Variants in FSTL1 observed in about 807,000 individuals in gnomAD.
The protein encoded by FSTL1 is follistatin like 1, also known as follistatin-related protein 1.
Under a neutral mutation model 45.9 loss-of-function variants are expected in FSTL1, and 24 were observed. The observed-to-expected ratio is 0.52, with a 90% CI of 0.38 to 0.74. FSTL1 has a LOEUF of 0.74. FSTL1 is among the 30% of genes least tolerant of loss of function. The pLI is 0.00. For missense variants in FSTL1, 340 were observed against 381.8 expected (o/e 0.89, Z 0.91); for synonymous variants, 120 against 137.6 (o/e 0.87, Z 0.89).
intron 2 of FSTL1, among the ~76,000 whole-genome samples, chr3:120,448,756 G>T (rs1429701860): frequency 6.6e-6 from 1 of 152,206 alleles, no homozygotes; most frequent in Non-Finnish European, 1.5e-5. Flanking sequence ...GGAAATTGCT[G>T]CTGGGGGAAC....
chr3:120,449,127 C>T (rs1937823662), intron 2 of FSTL1, among the ~76,000 whole-genome samples: 1 of 152,150 alleles, frequency 6.6e-6, no homozygotes, highest in Admixed American at 6.5e-5. Flanking sequence ...AAGAAGCAGA[C>T]CTGGAGTTCA....
intron 2 of FSTL1, chr3:120,441,447 C>T (rs1320804984): frequency 6.6e-6 from 1 of 152,218 alleles, no homozygotes; most frequent in East Asian, 1.9e-4. Context: ...AGAAACACTA[C>T]ATAGAAGTTT....
At chr3:120,418,722 G>A (rs1261152623) in intron 2 of FSTL1, among the ~76,000 whole-genome samples, 1 of 142,100 alleles carries the variant, frequency 7.0e-6, no homozygotes, top group Admixed American at 7.7e-5. Flanking sequence ...TCGTGGGCCA[G>A]GTGCTCTCTT....
Position 120,450,757 on chromosome 3 carries a change from G to A in FSTL1, c.1-11C>T, listed in dbSNP as rs1291009747. 1 of 1,573,264 alleles carries A rather than the reference G, an allele frequency of 6.4e-7. No individual in the cohort carries two copies. Among genetic ancestry groups the A allele is most frequent in the African/African-American group, 1.4e-5 (1 of 71,494 alleles). ...CCAGCGTTTCCACATCTGCGGAAGA[G>A]AGAAGAGAGCGAGTCTGAAGGCGCC... On this transcript the variant is annotated splice_polypyrimidine_tract_variant and intron_variant, in intron 1 of 10. Transcript: ENST00000295633.
chr3:120,403,135 G>A, intron 8 of FSTL1, 107 bp downstream of exon 8: 1 of 762,104 alleles, frequency 1.3e-6, no homozygotes, highest in Non-Finnish European at 2.3e-6. Flanking sequence ...AATCATGGAA[G>A]GGGATTTTCT....
At chr3:120,412,838 G>GCACGCACACA (rs1553703002) in intron 3 of FSTL1, among the ~76,000 whole-genome samples, 1 of 106,132 alleles carries the variant, frequency 9.4e-6, no homozygotes, top group East Asian at 3.0e-4. Context: ...GCGCGCGCGC[G>GCACGCACACA]CACACACACA....
chr3:120,413,036 T>C (rs917505351), intron 3 of FSTL1, among the ~76,000 whole-genome samples: 8 of 152,108 alleles, frequency 5.3e-5, no homozygotes, highest in Non-Finnish European at 1.2e-4. Flanking sequence ...GACAGGGAAA[T>C]GGAACAAAGT....
At chr3:120,439,807 G>C (rs779574628) in intron 2 of FSTL1, among the ~76,000 whole-genome samples, 1 of 152,146 alleles carries the variant, frequency 6.6e-6, no homozygotes, top group Non-Finnish European at 1.5e-5. Flanking sequence ...GAAGAACAAA[G>C]AAATTGCCTT....
At chr3:120,422,698 ATT>A (rs573790628) in intron 2 of FSTL1, among the ~76,000 whole-genome samples, 2 of 145,678 alleles carry the variant, frequency 1.4e-5, no homozygotes, top group Non-Finnish European at 1.5e-5. Context: ...TCAATCAATA[ATT>A]TTTTTTTTTT....
chr3:120,437,183 T>C (rs753835286), intron 2 of FSTL1, among the ~76,000 whole-genome samples: 8 of 152,236 alleles, frequency 5.3e-5, no homozygotes, highest in Non-Finnish European at 1.0e-4. Flanking sequence ...ACAAATGTTA[T>C]GCCACAAACT....
At chr3:120,427,262 C>T (rs1192403217) in intron 2 of FSTL1, among the ~76,000 whole-genome samples, 1 of 152,168 alleles carries the variant, frequency 6.6e-6, no homozygotes, top group East Asian at 1.9e-4. Context: ...CCTTCCTTCT[C>T]TGAACTTTGA....
chr3:120,412,817 T>TGAGCGC (rs1491195635), intron 3 of FSTL1, among the ~76,000 whole-genome samples: 1 of 87,622 alleles, frequency 1.1e-5, no homozygotes, highest in Admixed American at 9.5e-5. Context: ...CACACACACA[T>TGAGCGC]GTGCGCGCGC....
chr3:120,425,580 G>T (rs1937362197), intron 2 of FSTL1, among the ~76,000 whole-genome samples: 1 of 152,166 alleles, frequency 6.6e-6, no homozygotes, highest in African/African-American at 2.4e-5. Context: ...AAATGCAGAG[G>T]TTATAGATGA....
chr3:120,423,190 CTA>C (rs916514552), intron 2 of FSTL1: 3 of 152,048 alleles, frequency 2.0e-5, no homozygotes, highest in African/African-American at 7.3e-5. Context: ...GTCACATTCT[CTA>C]TGTGTCTTTT....
chr3:120,404,794 C>T (rs1299975892), intron 7 of FSTL1, 59 bp downstream of exon 7: 3 of 901,282 alleles, frequency 3.3e-6, no homozygotes, highest in East Asian at 2.4e-5. Flanking sequence ...GGGTTTAAGT[C>T]CCCTCTCTCA....
intron 7 of FSTL1, 71 bp from the exon 8 acceptor site, chr3:120,403,425 A>G (rs1936867191): frequency 2.2e-6 from 2 of 923,390 alleles, no homozygotes; most frequent in Admixed American, 1.8e-5. Context: ...AGTAAGCATC[A>G]GGACCACATA....
intron 2 of FSTL1, among the ~76,000 whole-genome samples, chr3:120,427,056 G>A (rs1169590512): frequency 2.0e-5 from 3 of 152,160 alleles, no homozygotes; most frequent in Non-Finnish European, 4.4e-5. Context: ...AGCATGATGA[G>A]GAATTGTCAG....
chr3:120,450,670 G>C lies in FSTL1; in HGVS notation c.63+14C>G. The C allele has an allele frequency of 2.6e-6, 4 of 1,550,454 alleles. No homozygotes were observed. The highest frequency in any genetic ancestry group is 8.7e-7 in the Non-Finnish European group (1 of 1,155,422). On this transcript the variant is annotated intron_variant, in intron 2 of 10. Coordinates refer to ENST00000295633, the MANE Select transcript of FSTL1 (RefSeq NM_007085.5). The stretch of plus-strand genomic sequence containing the variant: ...CCCGGGGACCGAGTTCGGACTCCTC[G>C]GCCCCTCGCCTACCTCGGCGCGGAC...
chr3:120,448,267 A>C (rs1279851941), intron 2 of FSTL1, among the ~76,000 whole-genome samples: 1 of 152,250 alleles, frequency 6.6e-6, no homozygotes, highest in Non-Finnish European at 1.5e-5. Context: ...TTACTAAAAT[A>C]GATTGTCACT....
Sources: allele counts gnomAD v4.1 joint callset (sites outside exome capture counted in the v4.1 genomes callset), GRCh38; gene constraint gnomAD v4.1.1; transcripts MANE v1.5; gene names NCBI Gene and HGNC (gene_info 2026-07-23, HGNC 2026-07-21).